Variants in MEGF6 observed in about 807,000 individuals in gnomAD.
MEGF6 encodes multiple EGF like domains 6, also known as multiple epidermal growth factor-like domains protein 6.
In MEGF6, 184 loss-of-function variants were observed where a neutral mutation model predicts 207.1. That is an observed-to-expected ratio of 0.89 (90% confidence interval 0.79 to 1.00). The LOEUF is 1.00. Ranked by LOEUF, MEGF6 falls within the 50% of genes least tolerant of loss-of-function variation. MEGF6 has a pLI of 0.00. For missense variants in MEGF6, 2,282 were observed against 2,202.9 expected, an observed-to-expected ratio of 1.04 and a Z score of -0.72; for synonymous variants, 1,038 against 910.0, an observed-to-expected ratio of 1.14 and a Z score of -2.53.
intron 30 of MEGF6, 136 bp from the exon 31 acceptor site, chr1:3,494,877 C>A (rs367713799): frequency 1.4e-5 from 18 of 1,329,598 alleles, no homozygotes; most frequent in Non-Finnish European, 1.7e-5. Context: ...GCCTGCTGGG[C>A]GGGCACATGC....
chr1:3,506,264 C>G, intron 14 of MEGF6, 28 bp from the exon 15 acceptor site: 1 of 1,602,652 alleles, frequency 6.2e-7, no homozygotes, highest in East Asian at 2.2e-5. Context: ...CCATGTGAAC[C>G]TTGGTGGCAG....
chr1:3,510,686 G>A, intron 10 of MEGF6, 97 bp downstream of exon 10: 1 of 1,459,488 alleles, frequency 6.9e-7, no homozygotes, highest in Non-Finnish European at 9.1e-7. Context: ...CCGACCCCAT[G>A]CCCACCATGG....
intron 28 of MEGF6, 101 bp from the exon 29 acceptor site, chr1:3,496,884 C>T: frequency 2.0e-6 from 3 of 1,519,248 alleles, no homozygotes; most frequent in South Asian, 1.2e-5. Flanking sequence ...CACCCTCCAT[C>T]TTCCACCCCC....
upstream of MEGF6, chr1:3,611,594 GC>G (rs1644328003): frequency 7.5e-6 from 1 of 132,990 alleles, no homozygotes; most frequent in Admixed American, 1.4e-4. Context: ...TGGCTCGCCC[GC>G]CCCCTGCGCC....
At chr1:3,520,999 C>T (rs566557381) in intron 5 of MEGF6, among the ~76,000 whole-genome samples, 1 of 152,304 alleles carries the variant, frequency 6.6e-6, no homozygotes, top group African/African-American at 2.4e-5. Context: ...GCTTCTCCAC[C>T]AGCCTCTCTG....
At chr1:3,611,818 C>T (rs1224290906), upstream of MEGF6, among the ~76,000 whole-genome samples, 1 of 151,634 alleles carries the variant, frequency 6.6e-6, no homozygotes, top group Non-Finnish European at 1.5e-5. Context: ...CTTTGCGCTC[C>T]CTGCTCGTCT....
At chr1:3,580,671 C>T (rs569046956) in intron 3 of MEGF6, among the ~76,000 whole-genome samples, 7 of 146,706 alleles carry the variant, frequency 4.8e-5, no homozygotes, top group South Asian at 2.4e-4. Flanking sequence ...GGGTGCCCCC[C>T]GGGGGCTCCA....
In MEGF6 at chr1:3,560,461, C is replaced by T. The variant is rs1643166460; in HGVS notation, c.481+19364G>A. Among the ~76,000 whole-genome samples, 1 of 152,178 alleles carries T rather than the reference C, an allele frequency of 6.6e-6. No individual in the cohort carries two copies. The highest frequency in any genetic ancestry group is 1.5e-5 in the Non-Finnish European group (1 of 68,030). On this transcript the variant is annotated intron_variant, in intron 4 of 36. Transcript: ENST00000356575. This position sits in a 1 kb window ranked among gnomAD's most constrained non-coding sequence, Gnocchi z 4.0. Reference sequence around the variant, plus strand: ...ATCCTCTGTGCTCCGCCTATTCACCCCTTCCTCCCTCCTTCCTCACCCCTG... The same window carrying T: ...ATCCTCTGTGCTCCGCCTATTCACCTCTTCCTCCCTCCTTCCTCACCCCTG...
At chr1:3,587,605 C>A (rs1386544171) in intron 3 of MEGF6, among the ~76,000 whole-genome samples, 1 of 152,212 alleles carries the variant, frequency 6.6e-6, no homozygotes, top group African/African-American at 2.4e-5. Context: ...GGAGAACCGC[C>A]TCCTCACGAA....
At chr1:3,584,024 A>G (rs559787544) in intron 3 of MEGF6, among the ~76,000 whole-genome samples, 1 of 152,372 alleles carries the variant, frequency 6.6e-6, no homozygotes, top group South Asian at 2.1e-4. Context: ...GCCATTTGCC[A>G]GCTGCCCAGC....
intron 2 of MEGF6, among the ~76,000 whole-genome samples, chr1:3,599,045 C>A (rs901767961): frequency 1.3e-5 from 2 of 152,206 alleles, no homozygotes; most frequent in African/African-American, 4.8e-5. Flanking sequence ...CATCACCCCG[C>A]GGCCCTGCCT....
chr1:3,548,796 C>T (rs1642796357), intron 4 of MEGF6, among the ~76,000 whole-genome samples: 1 of 152,172 alleles, frequency 6.6e-6, no homozygotes, highest in African/African-American at 2.4e-5. Context: ...AGCACCGGGG[C>T]AGCCTCACAG....
chr1:3,564,368 C>T (rs1300608056), intron 4 of MEGF6, among the ~76,000 whole-genome samples: 4 of 149,252 alleles, frequency 2.7e-5, no homozygotes, highest in African/African-American at 5.0e-5. Flanking sequence ...GTCAGTAAAG[C>T]GGGGGGTTGT....
chr1:3,540,720 A>G (rs1272012076), intron 4 of MEGF6, among the ~76,000 whole-genome samples: 1 of 152,204 alleles, frequency 6.6e-6, no homozygotes, highest in Non-Finnish European at 1.5e-5. Context: ...GGGCAGCTTC[A>G]CAGGGCAGAA....
rs768019835 is a variant in MEGF6, at chr1:3,595,353, C to T, written c.361G>A (p.Glu121Lys). ...CGGCACTCACCCGAGAGGCAGCCCT[C>T]CTCGTCGGGCTGCTGCATCCACCCT... ...CRGWMQQPDE[E>K]GCLSAECSAS... Residue 121 changes from glutamate to lysine, a missense_variant, in exon 3 of 37, where the codon GAG becomes AAG. Glu to Lys is a moderately conservative substitution (Grantham distance 56). Transcript: ENST00000356575. The T allele has an allele frequency of 6.2e-7, 1 of 1,611,272 alleles. No individual in the cohort carries two copies. The highest frequency in any genetic ancestry group is 1.3e-5 in the African/African-American group (1 of 74,868).
intron 4 of MEGF6, among the ~76,000 whole-genome samples, chr1:3,541,053 G>A (rs971820647): frequency 7.9e-5 from 12 of 152,198 alleles, no homozygotes; most frequent in East Asian, 3.9e-4. Context: ...GTGTCAGGGC[G>A]GGGTGGGGCC....
chr1:3,570,702 C>T (rs902271606), intron 4 of MEGF6, among the ~76,000 whole-genome samples: 3 of 151,990 alleles, frequency 2.0e-5, no homozygotes, highest in East Asian at 3.9e-4. Flanking sequence ...AGGAGGCTGC[C>T]CCTGCCCTGC....
At position 3,495,098 on chromosome 1, in the gene MEGF6, T is replaced by A. The variant is rs1640545556; in HGVS notation, c.3872-357A>T. On this transcript the variant is annotated intron_variant, in intron 30 of 36. Coordinates refer to ENST00000356575, the MANE Select transcript of MEGF6 (RefSeq NM_001409.4). ...CCGCTTGGGAGTGAAGGCACATCCT[T>A]CAGGCCTGAGAAGTAGCGTGGCTGG... Among the ~76,000 whole-genome samples, 4 of 152,272 alleles carry A rather than the reference T, an allele frequency of 2.6e-5. No individual in the cohort carries two copies. In the South Asian group the frequency reaches 8.3e-4, roughly 32 times the overall value.
chr1:3,531,546 G>C (rs1642173079), intron 4 of MEGF6: 1 of 985,160 alleles, frequency 1.0e-6, no homozygotes, highest in African/African-American at 1.7e-5. Context: ...TCCCCCAGGG[G>C]GCCGCGCCGG....
Sources: gnomAD v4.1 joint callset for allele counts (sites outside exome capture counted in the v4.1 genomes callset) on GRCh38, gnomAD v4.1.1 for gene constraint, Gnocchi (gnomAD v3.1) non-coding constraint, MANE v1.5 for transcripts, NCBI Gene and HGNC (gene_info 2026-07-23, HGNC 2026-07-21) for gene names.